MBNL2: variants seen among roughly 807,000 people sequenced by gnomAD.
MBNL2 encodes muscleblind-like protein 2.
Under a neutral mutation model 41.9 loss-of-function variants are expected in MBNL2, and 17 were observed. That is an observed-to-expected ratio of 0.41 (90% CI 0.28 to 0.61). The LOEUF (loss-of-function observed/expected upper bound fraction) is 0.61, where lower values mean the gene tolerates loss of function less well. MBNL2 is among the 20% of genes least tolerant of loss of function. The pLI is 0.35. For missense variants in MBNL2, 336 were observed against 505.6 expected, an observed-to-expected ratio of 0.66 and a Z score of 3.22; for synonymous variants, 195 against 182.9, an observed-to-expected ratio of 1.07 and a Z score of -0.53.
chr13:97,384,271 A>G (rs1051145394), intron 8 of MBNL2, among the ~76,000 whole-genome samples: 3 of 152,222 alleles, frequency 2.0e-5, no homozygotes, highest in Non-Finnish European at 2.9e-5. Context: ...GTTAACATGT[A>G]TAATTATAAT....
At chr13:97,221,369 G>GAAATAAATAAATAAATAAAT (rs112515027), upstream of MBNL2, 15 of 151,042 alleles carry the variant, frequency 9.9e-5, no homozygotes, top group African/African-American at 2.9e-4. Context: ...TGTAGACTGG[G>GAAATAAATAAATAAATAAAT]AAATAAATAA....
chr13:97,152,173 G>T, the MBNL2 span, among the ~76,000 whole-genome samples: 2 of 152,066 alleles, frequency 1.3e-5, no homozygotes, highest in Non-Finnish European at 2.9e-5. Flanking sequence ...CTTGTAAAAG[G>T]AATCTAGAGA....
chr13:97,174,028 G>C, the MBNL2 span, among the ~76,000 whole-genome samples: 1 of 152,188 alleles, frequency 6.6e-6, no homozygotes, highest in Non-Finnish European at 1.5e-5. Context: ...GCAAGAGCCA[G>C]ATACTGCCCA....
At chr13:97,183,160 T>C in the MBNL2 span, among the ~76,000 whole-genome samples, 1 of 152,224 alleles carries the variant, frequency 6.6e-6, no homozygotes, top group African/African-American at 2.4e-5. Context: ...TTAATCCATA[T>C]GTGGCTATGG....
In MBNL2 at chr13:97,334,452, T is replaced by G; in HGVS notation, c.339+12T>G. The G allele has an allele frequency of 2.5e-6, 4 of 1,597,934 alleles. No individual in the cohort carries two copies. The highest frequency in any genetic ancestry group is 3.4e-6 in the Non-Finnish European group (4 of 1,170,306). On this transcript the variant is annotated intron_variant, in intron 3 of 8. Transcript: ENST00000679496. The surrounding 1 kb of genome is among the most constrained non-coding windows in gnomAD (Gnocchi z 5.3). The stretch of plus-strand genomic sequence containing the variant: ...CACTTCATCCAGTGGTGAGTACATC[T>G]TTATTCAGTGATGAGTTGGATGGTT...
chr13:97,152,753 C>T, the MBNL2 span, among the ~76,000 whole-genome samples: 1 of 152,102 alleles, frequency 6.6e-6, no homozygotes, highest in Non-Finnish European at 1.5e-5. Context: ...TTTTCTTGCA[C>T]CTTTCTTGCA....
At chr13:97,167,750 G>T in the MBNL2 span, among the ~76,000 whole-genome samples, 1 of 152,062 alleles carries the variant, frequency 6.6e-6, no homozygotes, top group East Asian at 1.9e-4. Context: ...AGAGTCTTTT[G>T]TGCCTCATCA....
intron 1 of MBNL2, among the ~76,000 whole-genome samples, chr13:97,229,957 A>G (rs750878353): frequency 2.0e-5 from 3 of 152,222 alleles, no homozygotes; most frequent in South Asian, 2.1e-4. Context: ...GGGCAAATCC[A>G]AAAGGCATCT....
intron 8 of MBNL2, among the ~76,000 whole-genome samples, chr13:97,372,539 G>A (rs181081084): frequency 6.6e-6 from 1 of 152,254 alleles, no homozygotes; most frequent in African/African-American, 2.4e-5. Context: ...TTGATAATAT[G>A]TCATATACAT....
the MBNL2 span, among the ~76,000 whole-genome samples, chr13:97,184,611 T>C: frequency 6.6e-6 from 1 of 152,224 alleles, no homozygotes; most frequent in South Asian, 2.1e-4. Flanking sequence ...GCCTCCTGAG[T>C]AGCTGGGATT....
intron 1 of MBNL2, among the ~76,000 whole-genome samples, chr13:97,228,278 C>T (rs1169836717): frequency 6.6e-6 from 1 of 152,010 alleles, no homozygotes; most frequent in Non-Finnish European, 1.5e-5. Flanking sequence ...TAAACTCAGG[C>T]CCATAAGACC....
upstream of MBNL2, among the ~76,000 whole-genome samples, chr13:97,217,941 C>A (rs1304191276): frequency 2.6e-5 from 4 of 151,918 alleles, no homozygotes; most frequent in Non-Finnish European, 5.9e-5. Context: ...GGTGTGGGAC[C>A]ATTTGGTTGT....
At chr13:97,278,636 A>C (rs6491347) in intron 2 of MBNL2, among the ~76,000 whole-genome samples, 7 of 151,982 alleles carry the variant, frequency 4.6e-5, no homozygotes, top group Admixed American at 3.3e-4. Flanking sequence ...ATAAAAACAT[A>C]AGCCAAGTTG....
chr13:97,188,844 C>G, the MBNL2 span, among the ~76,000 whole-genome samples: 776 of 152,272 alleles, frequency 5.1e-3, 9 homozygotes, highest in African/African-American at 0.018. Flanking sequence ...CAACCCAGCC[C>G]TCATTCCTTC....
chr13:97,352,502 C>A (rs987418350), intron 5 of MBNL2, among the ~76,000 whole-genome samples: 1 of 152,084 alleles, frequency 6.6e-6, no homozygotes, highest in East Asian at 1.9e-4. Flanking sequence ...CCAGGCATGA[C>A]GTTTATCGAT....
upstream of MBNL2, among the ~76,000 whole-genome samples, chr13:97,216,801 T>C (rs2040410021): frequency 1.3e-5 from 2 of 152,126 alleles, no homozygotes; most frequent in African/African-American, 2.4e-5. Context: ...ATGCATTGCT[T>C]CTTTTCCTTC....
At chr13:97,175,824 G>C in the MBNL2 span, among the ~76,000 whole-genome samples, 1 of 151,922 alleles carries the variant, frequency 6.6e-6, no homozygotes, top group Admixed American at 6.6e-5. Context: ...GGGGCACTCA[G>C]GACCTGATAG....
At chr13:97,202,563 C>A in the MBNL2 span, among the ~76,000 whole-genome samples, 2 of 152,028 alleles carry the variant, frequency 1.3e-5, no homozygotes, top group Admixed American at 6.5e-5. Context: ...GTCATTGATG[C>A]CTTATCTCCA....
chr13:97,374,000 T>G (rs950081618), intron 8 of MBNL2, among the ~76,000 whole-genome samples: 1 of 150,580 alleles, frequency 6.6e-6, no homozygotes, highest in Non-Finnish European at 1.5e-5. Flanking sequence ...AGAGTCCTTA[T>G]GCGGCACATT....
Sources: allele counts gnomAD v4.1 joint callset (sites outside exome capture counted in the v4.1 genomes callset), GRCh38; gene constraint gnomAD v4.1.1; non-coding constraint Gnocchi (gnomAD v3.1); transcripts MANE v1.5; gene names NCBI Gene and HGNC (gene_info 2026-07-23, HGNC 2026-07-21).